The following HEATR4 variants were observed in gnomAD, a reference collection of about 807,000 sequenced individuals.
The protein encoded by HEATR4 is HEAT repeat-containing protein 4.
In HEATR4, 95 loss-of-function variants were observed where a neutral mutation model predicts 108.8. That is an observed-to-expected ratio of 0.87 (90% CI 0.74 to 1.04). HEATR4 has a LOEUF of 1.04. Among genes scored for constraint, HEATR4 ranks in the 50% least tolerant of loss-of-function variants. HEATR4 has a pLI of 0.00. For synonymous variants in HEATR4, 443 were observed against 459.4 expected (o/e 0.96, Z 0.46); for missense variants, 1,152 against 1,253.8 (o/e 0.92, Z 1.23).
intron 6 of HEATR4, among the ~76,000 whole-genome samples, chr14:73,513,713 G>C (rs1313158321): frequency 1.0e-5 from 1 of 96,514 alleles, no homozygotes; most frequent in African/African-American, 4.1e-5. Flanking sequence ...GGCAACAAGA[G>C]CGAAACTACG....
intron 2 of HEATR4, among the ~76,000 whole-genome samples, chr14:73,529,354 C>CAAAAAAAAAA (rs10605851): frequency 1.1e-5 from 1 of 87,426 alleles, no homozygotes; most frequent in Non-Finnish European, 2.2e-5. Context: ...GACTCTGTCT[C>CAAAAAAAAAA]AAAAAAAAAA....
At chr14:73,486,309 C>T (rs1595076959) in intron 17 of HEATR4, among the ~76,000 whole-genome samples, 1 of 152,368 alleles carries the variant, frequency 6.6e-6, no homozygotes, top group African/African-American at 2.4e-5. Flanking sequence ...TTCAGAACCA[C>T]TGCCTCGGAC....
intron 5 of HEATR4, among the ~76,000 whole-genome samples, chr14:73,515,533 T>G (rs1595122642): frequency 6.6e-6 from 1 of 151,672 alleles, no homozygotes; most frequent in African/African-American, 2.4e-5. Context: ...TACAAAAATT[T>G]GCTAGGCGTG....
At chr14:73,599,582 C>T in the HEATR4 span, among the ~76,000 whole-genome samples, 1 of 152,090 alleles carries the variant, frequency 6.6e-6, no homozygotes, top group Non-Finnish European at 1.5e-5. Flanking sequence ...AATTGACAGC[C>T]AGCACCAACC....
At chr14:73,533,781 C>T (rs1393209203) in intron 1 of HEATR4, among the ~76,000 whole-genome samples, 1 of 109,010 alleles carries the variant, frequency 9.2e-6, no homozygotes, top group African/African-American at 3.0e-5. Flanking sequence ...GTTCCAGCAG[C>T]TCATGCGTGT....
chr14:73,516,879 C>T (rs1485546765), intron 5 of HEATR4, among the ~76,000 whole-genome samples: 1 of 152,224 alleles, frequency 6.6e-6, no homozygotes, highest in African/African-American at 2.4e-5. Context: ...ATTTCATCCT[C>T]AAACCATCCC....
At chr14:73,504,302 G>A (rs552577948) in intron 10 of HEATR4, among the ~76,000 whole-genome samples, 85 of 151,820 alleles carry the variant, frequency 5.6e-4, no homozygotes, top group African/African-American at 2.0e-3. Flanking sequence ...GGGCGCAGTG[G>A]TGCGATCTCA....
At chr14:73,495,126 C>T in intron 16 of HEATR4, 102 bp downstream of exon 16, 1 of 995,806 alleles carries the variant, frequency 1.0e-6, no homozygotes. Flanking sequence ...TTTCCTGACT[C>T]TTTCATCCTC....
chr14:73,592,162 T>C, the HEATR4 span: 9 of 1,601,692 alleles, frequency 5.6e-6, no homozygotes, highest in Non-Finnish European at 7.7e-6. Flanking sequence ...GCACCCGCGC[T>C]GGGCGGCAGC....
Position 73,553,784 on chromosome 14 carries a change from A to G in HEATR4, c.-152+4967T>C, listed in dbSNP as rs1381730813. Among the ~76,000 whole-genome samples, 7 of 112,974 alleles carry G rather than the reference A, an allele frequency of 6.2e-5. 3 individuals carry two copies. Among genetic ancestry groups the G allele is most frequent in the African/African-American group, 2.0e-4 (7 of 35,068 alleles). The allele number at this position is 112,974 out of a possible 152,430, so 74.1% of individuals were successfully genotyped here. ...CTAGTAGCTGGGATTACAGGCATGCACTAGCATGCCCCGCTAAGGCCATTG... is the reference window on the plus strand; with the variant it reads ...CTAGTAGCTGGGATTACAGGCATGCGCTAGCATGCCCCGCTAAGGCCATTG... On this transcript the variant is annotated intron_variant, in intron 1 of 17. Coordinates refer to ENST00000553558, the MANE Select transcript of HEATR4 (RefSeq NM_001220484.1).
chr14:73,511,999 C>T lies in HEATR4; in HGVS notation c.1558+7G>A. The stretch of plus-strand genomic sequence containing the variant: ...ATGTTCTCAAGCAGTTCAGCTTTGG[C>T]TCTCACCTGAGTCTCTCTGGCTGGT... On this transcript the variant is annotated splice_region_variant and intron_variant, in intron 7 of 17. Coordinates refer to ENST00000553558, the MANE Select transcript of HEATR4 (RefSeq NM_001220484.1). 1 of 1,613,848 alleles carries T rather than the reference C, an allele frequency of 6.2e-7. No individual in the cohort carries two copies.
chr14:73,624,824 T>C, the HEATR4 span, among the ~76,000 whole-genome samples: 1 of 152,196 alleles, frequency 6.6e-6, no homozygotes, highest in Non-Finnish European at 1.5e-5. Flanking sequence ...CATGGGGCTA[T>C]TGTGATTAAA....
At chr14:73,542,729 A>G (rs1379819877) in intron 1 of HEATR4, among the ~76,000 whole-genome samples, 2 of 111,858 alleles carry the variant, frequency 1.8e-5, no homozygotes, top group South Asian at 2.8e-4. Flanking sequence ...CTTGTTGATG[A>G]CGACTCAGTT....
At chr14:73,626,896 A>G in the HEATR4 span, among the ~76,000 whole-genome samples, 1 of 139,582 alleles carries the variant, frequency 7.2e-6, no homozygotes, top group Admixed American at 8.0e-5. Flanking sequence ...CCTCCAAGTG[A>G]TTCTCCTGCC....
the HEATR4 span, among the ~76,000 whole-genome samples, chr14:73,577,187 C>T: frequency 6.6e-6 from 1 of 151,594 alleles, no homozygotes; most frequent in Non-Finnish European, 1.5e-5. Context: ...CTGCCTCAGC[C>T]TCCCAAAGTG....
At chr14:73,588,070 C>T in the HEATR4 span, among the ~76,000 whole-genome samples, 185 of 151,512 alleles carry the variant, frequency 1.2e-3, no homozygotes, top group African/African-American at 4.4e-3. Flanking sequence ...GGCACAATCT[C>T]GGCTCACTGC....
At chr14:73,619,892 G>T in the HEATR4 span, 38 of 1,462,254 alleles carry the variant, frequency 2.6e-5, no homozygotes, top group South Asian at 1.5e-4. Context: ...CATACAACTT[G>T]TGTTGGGTTT....
At chr14:73,488,199 T>A (rs1320582395) in intron 17 of HEATR4, among the ~76,000 whole-genome samples, 1 of 152,162 alleles carries the variant, frequency 6.6e-6, no homozygotes, top group Non-Finnish European at 1.5e-5. Context: ...AGGGACCTGG[T>A]GGGAGGTGAT....
the HEATR4 span, chr14:73,569,811 TTCC>T: frequency 6.2e-7 from 1 of 1,601,414 alleles, no homozygotes; most frequent in Admixed American, 1.7e-5. Context: ...CGAGCGCTAC[TTCC>T]TCCCGCCCGG....
Sources: allele counts gnomAD v4.1 joint callset (sites outside exome capture counted in the v4.1 genomes callset), GRCh38; gene constraint gnomAD v4.1.1; transcripts MANE v1.5; gene names NCBI Gene and HGNC (gene_info 2026-07-23, HGNC 2026-07-21).